GTF2I: variants seen among roughly 807,000 people sequenced by gnomAD.
GTF2I encodes general transcription factor IIi.
GTF2I carries 12 observed loss-of-function variants against 67.6 expected under a neutral mutation model. The ratio of observed to expected loss-of-function variants is 0.18; its 90% CI spans 0.11 to 0.29. GTF2I has a LOEUF of 0.29. GTF2I is among the 10% of genes least tolerant of loss of function. GTF2I has a pLI of 1.00. For missense variants in GTF2I, 271 were observed against 580.1 expected (o/e 0.47, Z 5.47); for synonymous variants, 149 against 197.0 (o/e 0.76, Z 2.04).
chr7:74,660,684 C>G (rs1804406228), intron 1 of GTF2I, among the ~76,000 whole-genome samples: 1 of 145,610 alleles, frequency 6.9e-6, no homozygotes, highest in South Asian at 2.2e-4. Flanking sequence ...TGCAGTGGCG[C>G]GATCTCGGCT....
chr7:74,674,038 C>A (rs1184459884), intron 1 of GTF2I, among the ~76,000 whole-genome samples: 2 of 148,800 alleles, frequency 1.3e-5, no homozygotes, highest in Non-Finnish European at 3.0e-5. Context: ...GTAAAATGTA[C>A]AACTAATATA....
chr7:74,687,493 GA>G (rs1481580323), intron 1 of GTF2I: 13 of 925,512 alleles, frequency 1.4e-5, no homozygotes, highest in Non-Finnish European at 1.5e-5. Flanking sequence ...AAAGGGCTGG[GA>G]TTACAGGCGT....
chr7:74,679,335 C>T (rs1787007218), intron 1 of GTF2I, among the ~76,000 whole-genome samples: 1 of 152,062 alleles, frequency 6.6e-6, no homozygotes, highest in Non-Finnish European at 1.5e-5. Context: ...CTTGACCTCC[C>T]AAAATGCTGG....
intron 13 of GTF2I, among the ~76,000 whole-genome samples, chr7:74,729,852 A>G (rs1794300345): frequency 6.6e-6 from 1 of 152,034 alleles, no homozygotes; most frequent in South Asian, 2.1e-4. Flanking sequence ...ATGTTTTAGG[A>G]AGTTTGCTAA....
At chr7:74,681,458 G>GA (rs11369420) in intron 1 of GTF2I, among the ~76,000 whole-genome samples, 1,906 of 150,514 alleles carry the variant, frequency 0.013, 40 homozygotes, top group African/African-American at 0.044. Context: ...AAGAAAAAAA[G>GA]AAAAAAAAAT....
intron 1 of GTF2I, among the ~76,000 whole-genome samples, chr7:74,673,245 C>G (rs1385192439): frequency 2.0e-5 from 3 of 152,034 alleles, no homozygotes; most frequent in African/African-American, 7.2e-5. Flanking sequence ...TATTATGATC[C>G]CATTTTAAAG....
At chr7:74,710,958 G>A in intron 8 of GTF2I, 74 bp from the exon 9 acceptor site, 2 of 693,332 alleles carry the variant, frequency 2.9e-6, no homozygotes, top group East Asian at 2.9e-5. Context: ...TATAGGGAGG[G>A]CAGAGAGGAT....
In GTF2I at chr7:74,705,166, G is replaced by T. The variant is rs373330111; in HGVS notation, c.589G>T (p.Gly197Cys). 23 of 1,595,120 alleles carry T rather than the reference G, an allele frequency of 1.4e-5. No individual in the cohort carries two copies. The highest frequency in any genetic ancestry group is 1.9e-5 in the Non-Finnish European group (22 of 1,164,940). Reference protein sequence around the residue: ...PFLEPKKHVGGRVMVTDADRS... With the variant: ...PFLEPKKHVGCRVMVTDADRS... ...CAATTTTTTTTTTTTGTATGTAGGTGGTCGTGTGATGGTAACAGATGCTGA... is the reference window on the plus strand; with the variant it reads ...CAATTTTTTTTTTTTGTATGTAGGTTGTCGTGTGATGGTAACAGATGCTGA... The change falls in exon 7 of 35, where the codon GGT becomes TGT. Residue 197 changes from glycine (G) to cysteine (C), a missense_variant and splice_region_variant. Gly to Cys is a radical substitution (Grantham distance 159). Around this residue, in one of 9 missense-constraint regions of GTF2I, gnomAD observed 124 missense variants for 147.0 expected, o/e 0.84. Coordinates refer to ENST00000573035, the MANE Select transcript of GTF2I (RefSeq NM_032999.4).
chr7:74,681,448 A>G (rs1554394097), intron 1 of GTF2I, among the ~76,000 whole-genome samples: 1 of 151,866 alleles, frequency 6.6e-6, no homozygotes, highest in Non-Finnish European at 1.5e-5. Flanking sequence ...AATAAAAAAA[A>G]AGAAAAAAAG....
intron 3 of GTF2I, among the ~76,000 whole-genome samples, chr7:74,693,817 G>T (rs7782758): frequency 6.6e-6 from 1 of 152,076 alleles, no homozygotes; most frequent in Non-Finnish European, 1.5e-5. Context: ...CTGCACTCCA[G>T]CCTGGCGAAA....
chr7:74,661,302 C>T (rs1416162035), intron 1 of GTF2I, among the ~76,000 whole-genome samples: 1 of 152,126 alleles, frequency 6.6e-6, no homozygotes, highest in Non-Finnish European at 1.5e-5. Flanking sequence ...GGCTGCTTCC[C>T]GGACAGCCCT....
chr7:74,687,000 G>A (rs1584131363), intron 1 of GTF2I, among the ~76,000 whole-genome samples: 1 of 150,312 alleles, frequency 6.7e-6, no homozygotes, highest in South Asian at 2.1e-4. Flanking sequence ...ATTGATTCTC[G>A]TGCCTCAGCC....
At chr7:74,666,523 T>C (rs181061307) in intron 1 of GTF2I, among the ~76,000 whole-genome samples, 2,862 of 54,808 alleles carry the variant, frequency 0.052, 34 homozygotes, top group East Asian at 0.12. Context: ...TTCTTCGTTT[T>C]CCCCCCCGGT....
At chr7:74,712,222 A>G (rs1183790096) in intron 9 of GTF2I, among the ~76,000 whole-genome samples, 1 of 152,126 alleles carries the variant, frequency 6.6e-6, no homozygotes, top group East Asian at 1.9e-4. Context: ...AAGTACTGGG[A>G]TTACAGGGGC....
At chr7:74,734,568 C>T (rs1794739758) in intron 16 of GTF2I, among the ~76,000 whole-genome samples, 1 of 151,608 alleles carries the variant, frequency 6.6e-6, no homozygotes, top group Non-Finnish European at 1.5e-5. Context: ...ATTACAGGTG[C>T]CTGCCACCAT....
chr7:74,698,121 A>T (rs1282239255), intron 3 of GTF2I, among the ~76,000 whole-genome samples: 1 of 151,856 alleles, frequency 6.6e-6, no homozygotes, highest in African/African-American at 2.4e-5. Flanking sequence ...ACGCCCGGAG[A>T]ATTTTTTGTA....
At chr7:74,692,301 C>G (rs189531349) in intron 3 of GTF2I, among the ~76,000 whole-genome samples, 1 of 152,164 alleles carries the variant, frequency 6.6e-6, no homozygotes, top group Non-Finnish European at 1.5e-5. Flanking sequence ...TCTTGAGCTC[C>G]TGACCCGAGG....
intron 1 of GTF2I, among the ~76,000 whole-genome samples, chr7:74,659,625 C>G (rs6955845): frequency 1.1e-3 from 165 of 152,104 alleles, no homozygotes; most frequent in African/African-American, 3.6e-3. Flanking sequence ...TTGAATCAAG[C>G]TGAAAGCAAT....
intron 1 of GTF2I, among the ~76,000 whole-genome samples, chr7:74,664,975 C>T (rs1804842220): frequency 6.7e-6 from 1 of 149,798 alleles, no homozygotes; most frequent in South Asian, 2.1e-4. Flanking sequence ...GAGTTTTGCT[C>T]TTGTTGCCCA....
Sources: allele counts gnomAD v4.1 joint callset (sites outside exome capture counted in the v4.1 genomes callset), GRCh38; gene constraint gnomAD v4.1.1; regional missense constraint gnomAD v4.1.1; transcripts MANE v1.5; gene names NCBI Gene and HGNC (gene_info 2026-07-23, HGNC 2026-07-21).